PIKFYVE: variants seen among roughly 807,000 people sequenced by gnomAD.
PIKFYVE encodes 1-phosphatidylinositol 3-phosphate 5-kinase.
Under a neutral mutation model 257.9 loss-of-function variants are expected in PIKFYVE, and 122 were observed. The observed-to-expected ratio is 0.47, with a 90% CI of 0.41 to 0.55. The LOEUF is 0.55. Among genes scored for constraint, PIKFYVE ranks in the 20% least tolerant of loss-of-function variants. The pLI is 0.00. For missense variants in PIKFYVE, 2,160 were observed against 2,536.6 expected, an observed-to-expected ratio of 0.85 and a Z score of 3.19; for synonymous variants, 892 against 868.9, an observed-to-expected ratio of 1.03 and a Z score of -0.47.
chr2:208,339,651 G>C (rs1053904177), intron 30 of PIKFYVE, 96 bp downstream of exon 30: 5 of 1,465,968 alleles, frequency 3.4e-6, no homozygotes, highest in Non-Finnish European at 4.7e-6. Flanking sequence ...TCTAAGGACA[G>C]ATATTTGCTT....
chr2:208,300,745 G>A (rs981540053), intron 8 of PIKFYVE, among the ~76,000 whole-genome samples, 192 bp from the exon 9 acceptor site: 2 of 152,294 alleles, frequency 1.3e-5, no homozygotes, highest in African/African-American at 4.8e-5. Context: ...AAAAAGTTAT[G>A]TTTGGAATTA....
chr2:208,335,759 T>G, intron 25 of PIKFYVE, 34 bp from the exon 26 acceptor site: 4 of 1,496,908 alleles, frequency 2.7e-6, no homozygotes, highest in Non-Finnish European at 3.7e-6. Flanking sequence ...TGATTCACCC[T>G]TTCTAAAGTG....
chr2:208,319,514 T>C (rs13388119), intron 16 of PIKFYVE, among the ~76,000 whole-genome samples: 57,335 of 151,718 alleles, frequency 0.38, 11,751 homozygotes, highest in Admixed American at 0.46. Context: ...TGAATGACTG[T>C]CTTGCCCCAC....
intron 5 of PIKFYVE, among the ~76,000 whole-genome samples, chr2:208,285,124 T>C (rs540137188): frequency 6.6e-6 from 1 of 152,356 alleles, no homozygotes; most frequent in Admixed American, 6.5e-5. Flanking sequence ...AGACGGAGTT[T>C]CGTTCTTGTT....
chr2:208,337,040 G>T, intron 28 of PIKFYVE, 112 bp downstream of exon 28: 1 of 792,282 alleles, frequency 1.3e-6, no homozygotes, highest in Non-Finnish European at 2.1e-6. Flanking sequence ...ATATCCAGTA[G>T]GGTTTTCCAT....
chr2:208,302,288 C>A lies in PIKFYVE; in HGVS notation c.1255C>A (p.Leu419Met), dbSNP rs1693790331. The A allele has an allele frequency of 6.2e-7, 1 of 1,614,120 alleles. No individual in the cohort carries two copies. Among genetic ancestry groups the A allele is most frequent in the East Asian group, 2.2e-5 (1 of 44,868 alleles). The part of the protein sequence containing the change: ...IGQAMVDGRW[L>M]DCVSHHDQLF... ...ACAAGCAATGGTTGATGGACGTTGG[C>A]TGGATTGTGTTAGTCATCACGACCA... The change falls in exon 10 of 42, where the codon CTG becomes ATG. Residue 419 changes from leucine to methionine, a missense_variant. Around this residue, in one of 12 missense-constraint regions of PIKFYVE, gnomAD observed 90 missense variants for 110.6 expected, o/e 0.81. Coordinates refer to ENST00000264380, the MANE Select transcript of PIKFYVE (RefSeq NM_015040.4).
chr2:208,330,803 A>G (rs563304751), intron 23 of PIKFYVE, 109 bp downstream of exon 23: 3 of 1,099,678 alleles, frequency 2.7e-6, no homozygotes, highest in South Asian at 1.4e-5. Flanking sequence ...GTTATTTGTT[A>G]TAGAGCTCTA....
In PIKFYVE at chr2:208,315,179, T is replaced by A; in HGVS notation, c.1827-14T>A. On this transcript the variant is annotated splice_polypyrimidine_tract_variant and intron_variant, in intron 14 of 41. Coordinates refer to ENST00000264380, the MANE Select transcript of PIKFYVE (RefSeq NM_015040.4). ...ATTAACTATGCAAACTTCTTTCTTA[T>A]AATATTTTTGTAGTTCAGCTAATCA... is the stretch of plus-strand genomic sequence containing the variant. The A allele has an allele frequency of 6.2e-7, 1 of 1,608,236 alleles. No individual in the cohort carries two copies. The highest frequency in any genetic ancestry group is 8.5e-7 in the Non-Finnish European group (1 of 1,175,062).
At chr2:208,340,612 T>A (rs1698605858) in intron 31 of PIKFYVE, among the ~76,000 whole-genome samples, 1 of 152,220 alleles carries the variant, frequency 6.6e-6, no homozygotes, top group African/African-American at 2.4e-5. Context: ...TTTATTTTTC[T>A]TCCACTGGTT....
intron 37 of PIKFYVE, 150 bp downstream of exon 37, chr2:208,351,097 G>A (rs1314134216): frequency 8.8e-7 from 1 of 1,141,578 alleles, no homozygotes; most frequent in Non-Finnish European, 1.2e-6. Context: ...TTATTTAGTA[G>A]TTTTAAAAAG....
chr2:208,290,035 C>A (rs1284872325), intron 7 of PIKFYVE, among the ~76,000 whole-genome samples: 1 of 152,166 alleles, frequency 6.6e-6, no homozygotes, highest in African/African-American at 2.4e-5. Flanking sequence ...CCTATAGCCC[C>A]TGTCCCCACA....
At chr2:208,342,791 G>GTTTT (rs1698832615) in intron 32 of PIKFYVE, 142 bp downstream of exon 32, 7 of 370,794 alleles carry the variant, frequency 1.9e-5, no homozygotes, top group East Asian at 5.3e-5. Flanking sequence ...GTGATAGCTT[G>GTTTT]TTCTTTTTTT....
chr2:208,340,380 C>T (rs887135161), intron 31 of PIKFYVE, among the ~76,000 whole-genome samples: 3 of 152,128 alleles, frequency 2.0e-5, no homozygotes, highest in African/African-American at 7.2e-5. Flanking sequence ...TCTGGAAACA[C>T]TTGTTTGTTT....
At chr2:208,283,615 G>A (rs1295143618) in intron 5 of PIKFYVE, among the ~76,000 whole-genome samples, 3 of 151,176 alleles carry the variant, frequency 2.0e-5, no homozygotes, top group Admixed American at 6.6e-5. Context: ...TTGCTCTGTT[G>A]CCCAGGCTGG....
At position 208,304,256 on chromosome 2, in the gene PIKFYVE, A is replaced by C; in HGVS notation, c.1406A>C (p.Asp469Ala). Reference protein sequence around the residue: ...EGHSEPSWFKDIKFDDSDTEQ... With the variant: ...EGHSEPSWFKAIKFDDSDTEQ... ...CACTCTGAGCCATCCTGGTTTAAAG[A>C]CATAAAGTTTGATGACAGTGACACA... The change falls in exon 11 of 42, where the codon GAC becomes GCC. Residue 469 changes from aspartate (D) to alanine (A), a missense_variant. Asp to Ala is a moderately radical substitution (Grantham distance 126). This residue lies in a region of PIKFYVE where 15 missense variants were observed against 39.1 expected (regional missense o/e 0.38). Transcript: ENST00000264380. 6.2e-7 allele frequency: 1 copy of C among 1,614,174 alleles called. No individual in the cohort carries two copies. The highest frequency in any genetic ancestry group is 1.1e-5 in the South Asian group (1 of 91,086).
chr2:208,327,057 G>A (rs1697013229), intron 20 of PIKFYVE, among the ~76,000 whole-genome samples: 1 of 152,116 alleles, frequency 6.6e-6, no homozygotes, highest in African/African-American at 2.4e-5. Flanking sequence ...AATTTCGCCA[G>A]TAGTCAAGGA....
chr2:208,301,166 G>C, intron 9 of PIKFYVE, 72 bp downstream of exon 9: 1 of 1,565,502 alleles, frequency 6.4e-7, no homozygotes, highest in Non-Finnish European at 8.8e-7. Context: ...AAGATAGTAA[G>C]AGTTACAGAT....
At chr2:208,297,915 C>T (rs1449886677) in intron 7 of PIKFYVE, among the ~76,000 whole-genome samples, 1 of 150,824 alleles carries the variant, frequency 6.6e-6, no homozygotes, top group Non-Finnish European at 1.5e-5. Context: ...TGTATGAATA[C>T]TGATATTATG....
In PIKFYVE at chr2:208,351,439, A is replaced by G. The variant is rs1207244619; in HGVS notation, c.5699A>G (p.Asn1900Ser). ...CCACATTACTTCAATTATATTACAA[A>G]TGCTGTTCAACAAAAGGTAGAAATC... ...FAPHYFNYIT[N>S]AVQQKRPTAL... is the part of the protein sequence containing the mutation. Residue 1900 changes from asparagine to serine, a missense_variant, in exon 38 of 42, where the codon AAT becomes AGT. Coordinates refer to ENST00000264380, the MANE Select transcript of PIKFYVE (RefSeq NM_015040.4). 3.7e-6 allele frequency: 6 copies of G among 1,609,916 alleles called. No individual in the cohort carries two copies. The highest frequency in any genetic ancestry group is 1.3e-5 in the African/African-American group (1 of 74,866).
Sources: gnomAD v4.1 joint callset for allele counts (sites outside exome capture counted in the v4.1 genomes callset) on GRCh38, gnomAD v4.1.1 for gene constraint, gnomAD v4.1.1 regional missense constraint, MANE v1.5 for transcripts, NCBI Gene and HGNC (gene_info 2026-07-23, HGNC 2026-07-21) for gene names.